Variants in RIMBP2 observed in about 807,000 individuals in gnomAD.
RIMBP2 encodes RIMS-binding protein 2.
In RIMBP2, 48 loss-of-function variants were observed where a neutral mutation model predicts 118.6. The ratio of observed to expected loss-of-function variants is 0.40; its 90% CI spans 0.32 to 0.51. The LOEUF (loss-of-function observed/expected upper bound fraction) is 0.51, where lower values mean the gene tolerates loss of function less well. RIMBP2 is among the 20% of genes least tolerant of loss of function. RIMBP2 has a pLI of 0.41. For missense variants in RIMBP2, 1,551 were observed against 1,768.3 expected (o/e 0.88, Z 2.20); for synonymous variants, 762 against 742.9 (o/e 1.03, Z -0.42).
intron 2 of RIMBP2, among the ~76,000 whole-genome samples, chr12:130,519,703 C>G (rs2051871175): frequency 6.6e-6 from 1 of 152,124 alleles, no homozygotes. Flanking sequence ...ACTAAGGCAG[C>G]AATAGCTCAG....
chr12:130,477,837 G>A (rs2081572751), intron 5 of RIMBP2, among the ~76,000 whole-genome samples: 1 of 152,246 alleles, frequency 6.6e-6, no homozygotes, highest in African/African-American at 2.4e-5. Flanking sequence ...GGGCAGAGGA[G>A]TGGCCCATCC....
chr12:130,479,926 G>A (rs2081814262), intron 4 of RIMBP2, among the ~76,000 whole-genome samples: 2 of 151,702 alleles, frequency 1.3e-5, no homozygotes, highest in Admixed American at 1.3e-4. Flanking sequence ...CCTCTGACGG[G>A]TCTCACGAGC....
chr12:130,687,633 C>T (rs2065118031), intron 1 of RIMBP2, among the ~76,000 whole-genome samples: 2 of 152,046 alleles, frequency 1.3e-5, no homozygotes, highest in Non-Finnish European at 2.9e-5. Flanking sequence ...ACAAGTTGTA[C>T]TTTCAGAATG....
chr12:130,655,303 C>T (rs549653980), intron 1 of RIMBP2, among the ~76,000 whole-genome samples: 2 of 152,324 alleles, frequency 1.3e-5, no homozygotes, highest in African/African-American at 2.4e-5. Flanking sequence ...GAAATTACCT[C>T]GTTATATACC....
rs538086668 is a variant in RIMBP2, at chr12:130,678,706, C to T, written c.-352+37516G>A. On this transcript the variant is annotated intron_variant, in intron 1 of 22. Coordinates refer to ENST00000690449, the MANE Select transcript of RIMBP2 (RefSeq NM_001393629.1). ...CTAATTTTTGTATTTTTAGTAGAGA[C>T]GGGGTTTCACCATCTTGGCCAGGCT... Among the ~76,000 whole-genome samples, 26 of 152,226 alleles carry T rather than the reference C, an allele frequency of 1.7e-4. 1 individual carries two copies. Among genetic ancestry groups the T allele is most frequent in the African/African-American group, 4.3e-4 (18 of 41,536 alleles).
chr12:130,507,126 C>A (rs1327444880), intron 3 of RIMBP2, among the ~76,000 whole-genome samples: 1 of 152,190 alleles, frequency 6.6e-6, no homozygotes, highest in Non-Finnish European at 1.5e-5. Context: ...GGAATGAGAT[C>A]TTGCACTTGT....
At chr12:130,453,565 G>A (rs908047300) in intron 7 of RIMBP2, among the ~76,000 whole-genome samples, 1 of 152,252 alleles carries the variant, frequency 6.6e-6, no homozygotes, top group Non-Finnish European at 1.5e-5. Context: ...TCTGCTACGT[G>A]GAGTAACCCA....
intron 1 of RIMBP2, among the ~76,000 whole-genome samples, chr12:130,690,040 C>A (rs1190434527): frequency 1.3e-5 from 2 of 152,200 alleles, no homozygotes; most frequent in Admixed American, 6.5e-5. Context: ...CCCGCTGGTG[C>A]TGCCAGGGCC....
intron 4 of RIMBP2, 34 bp from the exon 5 acceptor site, chr12:130,479,050 G>T: frequency 6.4e-7 from 1 of 1,569,106 alleles, no homozygotes. Flanking sequence ...GCTGAGCAGG[G>T]CAGCCTGTGC....
chr12:130,438,704 A>G (rs2077745630), intron 11 of RIMBP2, among the ~76,000 whole-genome samples, 188 bp from the exon 12 acceptor site: 1 of 152,196 alleles, frequency 6.6e-6, no homozygotes, highest in Non-Finnish European at 1.5e-5. Context: ...GGGTACAGTC[A>G]GGTACCAGGA....
chr12:130,709,633 C>A (rs1208184226), intron 1 of RIMBP2, among the ~76,000 whole-genome samples: 1 of 152,190 alleles, frequency 6.6e-6, no homozygotes, highest in Non-Finnish European at 1.5e-5. Flanking sequence ...CCCAATATCT[C>A]CGTCCAAGGA....
At position 130,618,024 on chromosome 12, in the gene RIMBP2, T is replaced by TTTACCAAA. The variant is rs71088771; in HGVS notation, c.-217+10297_-217+10298insTTTGGTAA. Among the ~76,000 whole-genome samples, 41 of 65,820 alleles carry TTTACCAAA rather than the reference T, an allele frequency of 6.2e-4. 15 individuals carry two copies. Among genetic ancestry groups the TTTACCAAA allele is most frequent in the South Asian group, 1.1e-3 (2 of 1,778 alleles). The allele number at this position is 65,820 out of a possible 152,430, so 43.2% of individuals were successfully genotyped here. A position where few individuals can be genotyped will look rare whatever the true frequency, so the allele number is the denominator to read the frequency against. On this transcript the variant is annotated intron_variant, in intron 2 of 22. Transcript: ENST00000690449. ...CTGGGCAACATAGAAAGACCTCTTC[T>TTTACCAAA]AAAAAAAAAAAGTAAAAAAGGGGAA...
At chr12:130,601,733 A>G (rs1011170599) in intron 2 of RIMBP2, among the ~76,000 whole-genome samples, 2 of 152,252 alleles carry the variant, frequency 1.3e-5, no homozygotes, top group Non-Finnish European at 2.9e-5. Context: ...CACACTCACA[A>G]TAGTCTTGAA....
intron 1 of RIMBP2, among the ~76,000 whole-genome samples, chr12:130,653,910 G>C (rs1234937400): frequency 6.6e-6 from 1 of 152,210 alleles, no homozygotes; most frequent in Non-Finnish European, 1.5e-5. Context: ...TCCTGAAGCT[G>C]TGCAGGGCAG....
chr12:130,629,920 C>G (rs1413998726), intron 1 of RIMBP2, among the ~76,000 whole-genome samples: 2 of 127,904 alleles, frequency 1.6e-5, no homozygotes, highest in East Asian at 2.5e-4. Context: ...AGTAAAAGAA[C>G]ATAATGATAA....
At chr12:130,614,951 G>A (rs2060807948) in intron 2 of RIMBP2, among the ~76,000 whole-genome samples, 1 of 149,108 alleles carries the variant, frequency 6.7e-6, no homozygotes, top group Admixed American at 6.7e-5. Context: ...TAACTTGTGT[G>A]TCTAGTCATC....
chr12:130,452,353 G>A (rs954837567), intron 7 of RIMBP2, among the ~76,000 whole-genome samples: 10 of 152,248 alleles, frequency 6.6e-5, no homozygotes, highest in Non-Finnish European at 1.5e-4. Context: ...CCAGGCTGGA[G>A]TGAACAGCAG....
intron 1 of RIMBP2, among the ~76,000 whole-genome samples, chr12:130,661,233 T>C (rs995009287): frequency 6.6e-6 from 1 of 152,216 alleles, no homozygotes; most frequent in African/African-American, 2.4e-5. Context: ...CCAGGTGATC[T>C]GGGTGCCCCT....
intron 1 of RIMBP2, among the ~76,000 whole-genome samples, chr12:130,699,155 T>C (rs2065716021): frequency 6.6e-6 from 1 of 152,212 alleles, no homozygotes; most frequent in Admixed American, 6.5e-5. Flanking sequence ...TCAACCATTG[T>C]GGAAGTCAGT....
Sources: gnomAD v4.1 joint callset for allele counts (sites outside exome capture counted in the v4.1 genomes callset) on GRCh38, gnomAD v4.1.1 for gene constraint, MANE v1.5 for transcripts, NCBI Gene and HGNC (gene_info 2026-07-23, HGNC 2026-07-21) for gene names.